LCLAT1: variants seen among roughly 807,000 people sequenced by gnomAD.
The protein encoded by LCLAT1 is lysocardiolipin acyltransferase 1, also known as 1-AGP acyltransferase 8.
Under a neutral mutation model 30.7 loss-of-function variants are expected in LCLAT1, and 11 were observed. The ratio of observed to expected loss-of-function variants is 0.36; its 90% CI spans 0.23 to 0.59. The LOEUF is 0.59. Ranked by LOEUF, LCLAT1 falls within the 20% of genes least tolerant of loss-of-function variation. The pLI is 0.77. For synonymous variants in LCLAT1, 155 were observed against 151.3 expected (o/e 1.02, Z -0.18); for missense variants, 402 against 458.6 (o/e 0.88, Z 1.13).
chr2:30,580,025 C>G (rs1000134226), intron 5 of LCLAT1, among the ~76,000 whole-genome samples: 26 of 152,060 alleles, frequency 1.7e-4, no homozygotes, highest in African/African-American at 6.0e-4. Flanking sequence ...GTAATTATAC[C>G]TCATGTTTTT....
At chr2:30,512,043 T>C (rs1684963668) in intron 1 of LCLAT1, among the ~76,000 whole-genome samples, 1 of 152,258 alleles carries the variant, frequency 6.6e-6, no homozygotes, top group South Asian at 2.1e-4. Context: ...TTTGGCTTTC[T>C]GCTTTCCAGC....
At chr2:30,472,657 T>G (rs1205014833) in intron 1 of LCLAT1, among the ~76,000 whole-genome samples, 1 of 152,224 alleles carries the variant, frequency 6.6e-6, no homozygotes, top group Non-Finnish European at 1.5e-5. Context: ...ATAGGTTTTA[T>G]GCAAAATGTT....
intron 5 of LCLAT1, among the ~76,000 whole-genome samples, chr2:30,621,322 T>C (rs1299202584): frequency 5.9e-5 from 9 of 152,114 alleles, no homozygotes; most frequent in African/African-American, 1.9e-4. Flanking sequence ...CAATCTCCCA[T>C]GTGACGTATT....
chr2:30,493,801 A>G (rs1683961981), intron 1 of LCLAT1, among the ~76,000 whole-genome samples: 1 of 152,178 alleles, frequency 6.6e-6, no homozygotes, highest in South Asian at 2.1e-4. Flanking sequence ...AAAATATTGA[A>G]ATATCAAATA....
chr2:30,600,965 G>A (rs1667153563), intron 5 of LCLAT1, among the ~76,000 whole-genome samples: 1 of 150,830 alleles, frequency 6.6e-6, no homozygotes, highest in Admixed American at 6.6e-5. Context: ...CATAGTTCTT[G>A]GAGGTTTTGT....
chr2:30,600,486 G>A (rs370308110), intron 5 of LCLAT1, among the ~76,000 whole-genome samples: 128 of 152,196 alleles, frequency 8.4e-4, no homozygotes, highest in South Asian at 3.1e-3. Context: ...AAACTCCAAA[G>A]CTAGCAGAAG....
In LCLAT1 at chr2:30,643,758, G is replaced by A. The variant is rs1161059570; in HGVS notation, c.*3139G>A. The A allele has an allele frequency of 1.3e-5, 2 of 152,626 alleles. No homozygotes were observed. The highest frequency in any genetic ancestry group is 2.9e-5 in the Non-Finnish European group (2 of 68,034). 9.5% of individuals were successfully genotyped at this position (152,626 alleles called of 1,614,324 possible). A position where few individuals can be genotyped will look rare whatever the true frequency, so the allele number is the denominator to read the frequency against. On this transcript the variant is annotated 3_prime_UTR_variant, in exon 6 of 6. Transcript: ENST00000379509. ...TCTTTATACAAATAATGTGCTTTCA[G>A]TGCCTTAGTTACAGCTCCCTTTCTG...
At chr2:30,639,292 G>C (rs911140222) in intron 5 of LCLAT1, among the ~76,000 whole-genome samples, 12 of 152,130 alleles carry the variant, frequency 7.9e-5, no homozygotes, top group African/African-American at 2.7e-4. Flanking sequence ...ATGCATGCCT[G>C]CCTCCCCAGT....
chr2:30,495,036 C>T (rs1210050468), intron 1 of LCLAT1, among the ~76,000 whole-genome samples: 1 of 150,552 alleles, frequency 6.6e-6, no homozygotes, highest in Non-Finnish European at 1.5e-5. Context: ...TCCTTTTGAA[C>T]TTGTGTTTGT....
intron 1 of LCLAT1, among the ~76,000 whole-genome samples, chr2:30,508,602 T>A (rs757973423): frequency 1.3e-5 from 2 of 152,298 alleles, no homozygotes; most frequent in Non-Finnish European, 2.9e-5. Context: ...TTCTGTTCCA[T>A]TGGTCTATGT....
intron 5 of LCLAT1, among the ~76,000 whole-genome samples, chr2:30,604,677 A>AG (rs1405062233): frequency 6.7e-6 from 1 of 150,228 alleles, no homozygotes; most frequent in East Asian, 1.9e-4. Context: ...AAAAAAAAAA[A>AG]AAAAAAGTAA....
At position 30,552,126 on chromosome 2, in the gene LCLAT1, T is replaced by G. The variant is rs145158208; in HGVS notation, c.365-10020T>G. On this transcript the variant is annotated intron_variant, in intron 3 of 5. Coordinates refer to ENST00000379509, the MANE Select transcript of LCLAT1 (RefSeq NM_001002257.3). ...TCCTCTCAGTGTGCAAAGCTAGGAATGTACTTAGGAATCAGTTTTGCAACA... is the reference window on the plus strand; with the variant it reads ...TCCTCTCAGTGTGCAAAGCTAGGAAGGTACTTAGGAATCAGTTTTGCAACA... Among the ~76,000 whole-genome samples the G allele has an allele frequency of 3.9e-5, 6 of 152,318 alleles. No individual in the cohort carries two copies. The East Asian group carries it at 1.2e-3, about 29-fold the overall frequency.
At chr2:30,515,453 A>T (rs1685133281) in intron 1 of LCLAT1, among the ~76,000 whole-genome samples, 1 of 152,246 alleles carries the variant, frequency 6.6e-6, no homozygotes, top group South Asian at 2.1e-4. Context: ...TCCTTAATGG[A>T]GTCCATTAAT....
chr2:30,571,406 T>G (rs1340734167), intron 5 of LCLAT1, among the ~76,000 whole-genome samples: 1 of 152,222 alleles, frequency 6.6e-6, no homozygotes, highest in East Asian at 1.9e-4. Flanking sequence ...CTGAGAAAGT[T>G]GATAGCTACC....
chr2:30,460,783 G>A (rs1682080592), intron 1 of LCLAT1, among the ~76,000 whole-genome samples: 1 of 152,124 alleles, frequency 6.6e-6, no homozygotes, highest in Non-Finnish European at 1.5e-5. Context: ...CCTGGTCTCT[G>A]GGGAGGGGGC....
chr2:30,580,622 T>G (rs1666173765), intron 5 of LCLAT1, among the ~76,000 whole-genome samples: 1 of 152,124 alleles, frequency 6.6e-6, no homozygotes, highest in East Asian at 1.9e-4. Context: ...TAGAAGAGTT[T>G]AGCATTTTTA....
intron 1 of LCLAT1, among the ~76,000 whole-genome samples, chr2:30,513,439 A>T (rs1322610996): frequency 6.6e-6 from 1 of 152,186 alleles, no homozygotes; most frequent in South Asian, 2.1e-4. Context: ...CAACTTTAGT[A>T]TAATGTAGTT....
intron 5 of LCLAT1, among the ~76,000 whole-genome samples, chr2:30,634,031 T>A (rs866300120): frequency 2.0e-5 from 3 of 152,356 alleles, no homozygotes; most frequent in Middle Eastern, 3.4e-3. Flanking sequence ...TGCTGGATAT[T>A]ACATTTGTAA....
At chr2:30,580,568 C>G (rs1666170997) in intron 5 of LCLAT1, among the ~76,000 whole-genome samples, 1 of 152,030 alleles carries the variant, frequency 6.6e-6, no homozygotes, top group Admixed American at 6.6e-5. Context: ...GCGGAGAGGG[C>G]TGGGGTGTAG....
Sources: allele counts gnomAD v4.1 joint callset (sites outside exome capture counted in the v4.1 genomes callset), GRCh38; gene constraint gnomAD v4.1.1; transcripts MANE v1.5; gene names NCBI Gene and HGNC (gene_info 2026-07-23, HGNC 2026-07-21).